Variants in ST7L observed in about 807,000 individuals in gnomAD.
The protein encoded by ST7L is suppression of tumorigenicity 7 like.
In ST7L, 57 loss-of-function variants were observed where a neutral mutation model predicts 72.5. The ratio of observed to expected loss-of-function variants is 0.79; its 90% CI spans 0.64 to 0.98. The LOEUF (loss-of-function observed/expected upper bound fraction) is 0.98, where lower values mean the gene tolerates loss of function less well. Ranked by LOEUF, ST7L falls within the 50% of genes least tolerant of loss-of-function variation. ST7L has a pLI of 0.00. For missense variants in ST7L, 576 were observed against 672.2 expected, an observed-to-expected ratio of 0.86 and a Z score of 1.58; for synonymous variants, 221 against 240.9, an observed-to-expected ratio of 0.92 and a Z score of 0.77.
chr1:112,591,400 T>C (rs1162706526), intron 6 of ST7L, 125 bp downstream of exon 6: 1 of 745,316 alleles, frequency 1.3e-6, no homozygotes, highest in Non-Finnish European at 2.1e-6. Flanking sequence ...ATTAAATATC[T>C]ATAACATGCA....
chr1:112,564,048 C>G (rs930429382), intron 11 of ST7L, among the ~76,000 whole-genome samples: 8 of 152,186 alleles, frequency 5.3e-5, no homozygotes, highest in Non-Finnish European at 1.2e-4. Context: ...AGTGCACATT[C>G]TATGAGATTG....
intron 14 of ST7L, among the ~76,000 whole-genome samples, chr1:112,533,194 T>C (rs974392257): frequency 2.8e-5 from 4 of 142,658 alleles, no homozygotes; most frequent in African/African-American, 1.0e-4. Flanking sequence ...GAGGCTGAAG[T>C]CTATGCAGTA....
chr1:112,540,299 T>G (rs1336272471), intron 14 of ST7L: 1 of 985,322 alleles, frequency 1.0e-6, no homozygotes, highest in Non-Finnish European at 1.2e-6. Flanking sequence ...AGTTGCACAT[T>G]TTCTTTCCAG....
chr1:112,527,276 T>G (rs1474824244), intron 14 of ST7L: 1 of 152,342 alleles, frequency 6.6e-6, no homozygotes, highest in Admixed American at 6.5e-5. Context: ...GGGCCCCTAC[T>G]TGAGCTAGGA....
intron 11 of ST7L, among the ~76,000 whole-genome samples, chr1:112,560,350 C>T (rs1659913357): frequency 6.7e-6 from 1 of 150,254 alleles, no homozygotes; most frequent in Admixed American, 6.6e-5. Context: ...GCCAAGATCG[C>T]GCCACTGCAC....
At chr1:112,532,851 C>T (rs1654591757) in intron 14 of ST7L, among the ~76,000 whole-genome samples, 4 of 152,118 alleles carry the variant, frequency 2.6e-5, no homozygotes, top group African/African-American at 7.2e-5. Context: ...ATTGAGGCCT[C>T]ATGAGCATTA....
intron 14 of ST7L, among the ~76,000 whole-genome samples, chr1:112,535,072 C>T (rs530997668): frequency 8.5e-5 from 13 of 152,252 alleles, no homozygotes; most frequent in South Asian, 2.1e-4. Flanking sequence ...TATACACATG[C>T]GTTAAACGGT....
chr1:112,576,390 C>T (rs1002544082), intron 11 of ST7L, among the ~76,000 whole-genome samples: 1 of 152,146 alleles, frequency 6.6e-6, no homozygotes, highest in African/African-American at 2.4e-5. Flanking sequence ...CTGTGCCCAG[C>T]CCAAACCCCA....
At chr1:112,580,478 G>A (rs1477725040) in intron 9 of ST7L, among the ~76,000 whole-genome samples, 1 of 152,110 alleles carries the variant, frequency 6.6e-6, no homozygotes, top group African/African-American at 2.4e-5. Flanking sequence ...ATGTGTTCTC[G>A]TATAGTGAAA....
At chr1:112,527,447 G>A (rs78186546) in intron 14 of ST7L, 2 of 152,792 alleles carry the variant, frequency 1.3e-5, no homozygotes, top group African/African-American at 2.4e-5. Flanking sequence ...GAATTCCATT[G>A]CTCACCTCCT....
chr1:112,520,479 C>G (rs1652813354), downstream of ST7L: 1 of 1,614,160 alleles, frequency 6.2e-7, no homozygotes, highest in Non-Finnish European at 8.5e-7. Context: ...GCAAAGCCCC[C>G]AAGAAGGCAG....
chr1:112,587,404 C>A (rs959178323), intron 6 of ST7L, among the ~76,000 whole-genome samples: 1 of 152,164 alleles, frequency 6.6e-6, no homozygotes, highest in African/African-American at 2.4e-5. Context: ...GAGTTCAAGA[C>A]CAGCCTGGCC....
chr1:112,546,961 T>C (rs1322636331), intron 13 of ST7L, among the ~76,000 whole-genome samples: 1 of 151,848 alleles, frequency 6.6e-6, no homozygotes, highest in African/African-American at 2.4e-5. Context: ...TCTCTATATA[T>C]GTACATATAT....
At chr1:112,571,337 T>C (rs1347149454) in intron 11 of ST7L, 1 of 456,420 alleles carries the variant, frequency 2.2e-6, no homozygotes, top group African/African-American at 2.0e-5. Context: ...GAGGGGAAAA[T>C]GGGTAAATTT....
chr1:112,565,211 A>AT (rs777969643), intron 11 of ST7L, among the ~76,000 whole-genome samples: 11,206 of 57,796 alleles, frequency 0.19, 2,754 homozygotes, highest in African/African-American at 0.34. Context: ...TGTTCGGCTA[A>AT]TTTTTTTTTT....
chr1:112,536,226 T>C (rs1366222778), intron 14 of ST7L, among the ~76,000 whole-genome samples: 1 of 152,202 alleles, frequency 6.6e-6, no homozygotes, highest in African/African-American at 2.4e-5. Context: ...TAATCCATTT[T>C]CAAACAAAGT....
chr1:112,574,525 G>A (rs898291742), intron 11 of ST7L, among the ~76,000 whole-genome samples: 1 of 151,682 alleles, frequency 6.6e-6, no homozygotes, highest in Admixed American at 6.6e-5. Context: ...CAGGCGTGGT[G>A]GCGGGCGCCT....
intron 6 of ST7L, among the ~76,000 whole-genome samples, chr1:112,588,704 C>T (rs780691273): frequency 2.6e-5 from 4 of 152,128 alleles, no homozygotes; most frequent in African/African-American, 7.2e-5. Context: ...GACTGATTTT[C>T]GTATGTTGAA....
rs1370527947 is a variant in ST7L, at chr1:112,618,931, C to T, written c.183G>A (p.Arg61=). The T allele has an allele frequency of 6.4e-7, 1 of 1,571,054 alleles. No individual in the cohort carries two copies. Among genetic ancestry groups the T allele is most frequent in the Non-Finnish European group, 8.6e-7 (1 of 1,158,400 alleles). ...GLLYALRIPL[R]LCENLAAVTV... ...CACCCGCTGCCAAATTCTCACACAG[C>T]CTCAAAGGGATCCTCAGGGCGTAAA... Residue 61 remains arginine (R), a synonymous_variant, in exon 1 of 15, where the codon AGG becomes AGA. Transcript: ENST00000358039.
Sources: allele counts gnomAD v4.1 joint callset (sites outside exome capture counted in the v4.1 genomes callset), GRCh38; gene constraint gnomAD v4.1.1; transcripts MANE v1.5; gene names NCBI Gene and HGNC (gene_info 2026-07-23, HGNC 2026-07-21).